The following TMEM201 variants were observed in gnomAD, a reference collection of about 807,000 sequenced individuals.
The protein encoded by TMEM201 is RP13-15M17.2.
In TMEM201, 26 loss-of-function variants were observed where a neutral mutation model predicts 63.4. The observed-to-expected ratio is 0.41, with a 90% CI of 0.30 to 0.57. TMEM201 has a LOEUF of 0.57. Among genes scored for constraint, TMEM201 ranks in the 20% least tolerant of loss-of-function variants. The probability of loss-of-function intolerance (pLI) is 0.29; values close to 1 mark genes in which losing one functional copy is unlikely to be tolerated. For missense variants in TMEM201, 794 were observed against 917.7 expected (o/e 0.87, Z 1.74); for synonymous variants, 417 against 421.6 (o/e 0.99, Z 0.14).
In TMEM201 at chr1:9,607,467, C is replaced by G; in HGVS notation, c.1161-90C>G. The G allele has an allele frequency of 9.8e-7, 1 of 1,016,506 alleles. No homozygotes were observed. The highest frequency in any genetic ancestry group is 1.4e-6 in the Non-Finnish European group (1 of 700,268). The allele number at this position is 1,016,506 out of a possible 1,614,324, so 63.0% of individuals were successfully genotyped here. On this transcript the variant is annotated intron_variant, in intron 6 of 10. Coordinates refer to ENST00000340381, the MANE Select transcript of TMEM201 (RefSeq NM_001130924.3). This position sits in a 1 kb window ranked among gnomAD's most constrained non-coding sequence, Gnocchi z 5.4. ...CCCCAGCTGAGGCCCCCACCTTGCA[C>G]TGTGGGAGAGGGGTGGGACCCACTG...
rs181631145 is a variant in TMEM201, at chr1:9,597,821, C to T, written c.430-628C>T. On this transcript the variant is annotated intron_variant, in intron 3 of 10. Transcript: ENST00000340381. ...GTGACTTGGCAGCCAGGCAGCTTTTCGGCATGCTTGGTCGCAGCAAGGGAT... is the reference window on the plus strand; with the variant it reads ...GTGACTTGGCAGCCAGGCAGCTTTTTGGCATGCTTGGTCGCAGCAAGGGAT... 2.8e-3 allele frequency among the ~76,000 whole-genome samples: 430 copies of T among 152,318 alleles called. 1 individual carries two copies. Among genetic ancestry groups the T allele is most frequent in the African/African-American group, 9.8e-3 (409 of 41,566 alleles).
intron 4 of TMEM201, among the ~76,000 whole-genome samples, chr1:9,599,894 G>A (rs562710884): frequency 3.0e-4 from 45 of 152,298 alleles, no homozygotes; most frequent in African/African-American, 9.6e-4. Flanking sequence ...CACTGCGCCC[G>A]GCCCCTATTG....
At chr1:9,597,385 A>G (rs1304147032) in intron 3 of TMEM201, among the ~76,000 whole-genome samples, 2 of 152,210 alleles carry the variant, frequency 1.3e-5, no homozygotes, top group Non-Finnish European at 2.9e-5. Flanking sequence ...AGAGGGAGGA[A>G]GGGACCTTGG....
At chr1:9,611,183 T>A in intron 9 of TMEM201, 1 of 655,970 alleles carries the variant, frequency 1.5e-6, no homozygotes, top group Non-Finnish European at 2.2e-6. Context: ...AACTTTCACA[T>A]GAATTTGTAG....
chr1:9,601,995 A>AGGAGGCAGGAAGGAAGGCGT lies in TMEM201; in HGVS notation c.957-70_957-51dup, dbSNP rs913735118. 3 of 1,525,490 alleles carry AGGAGGCAGGAAGGAAGGCGT rather than the reference A, an allele frequency of 2.0e-6. No individual in the cohort carries two copies. The African/African-American group carries it at 4.1e-5, about 21-fold the overall frequency. The allele number at this position is 1,525,490 out of a possible 1,614,324, so 94.5% of individuals were successfully genotyped here. A position where few individuals can be genotyped will look rare whatever the true frequency, so the allele number is the denominator to read the frequency against. ...TCTGAGCAGGGCCAGGTATAGACAG[A>AGGAGGCAGGAAGGAAGGCGT]GGAGGCAGGAAGGAAGGCGTGGACC... On this transcript the variant is annotated intron_variant, in intron 5 of 10. Transcript: ENST00000340381.
chr1:9,591,093 C>T (rs1004070324), intron 1 of TMEM201, among the ~76,000 whole-genome samples: 1 of 152,240 alleles, frequency 6.6e-6, no homozygotes. Context: ...GGCTGCTTCT[C>T]TGAAGGACTG....
Position 9,610,989 on chromosome 1 carries a change from G to A in TMEM201, c.1765+184G>A, listed in dbSNP as rs1644316841. ...CCCTCTGGGACATTGACCTCTAATG[G>A]CTGATTTCAGTTTCTCCTTTTGCAG... On this transcript the variant is annotated intron_variant, in intron 9 of 10. Transcript: ENST00000340381. The surrounding 1 kb of genome is among the most constrained non-coding windows in gnomAD (Gnocchi z 4.9). 1 of 1,532,574 alleles carries A rather than the reference G, an allele frequency of 6.5e-7. No homozygotes were observed. The highest frequency in any genetic ancestry group is 1.2e-5 in the South Asian group (1 of 83,156). 94.9% of individuals were successfully genotyped at this position (1,532,574 alleles called of 1,614,324 possible). A position where few individuals can be genotyped will look rare whatever the true frequency, so the allele number is the denominator to read the frequency against.
In TMEM201 at chr1:9,603,596, G is replaced by A. The variant is rs1644187680; in HGVS notation, c.1160+1324G>A. The A allele has an allele frequency of 2.0e-6, 2 of 985,532 alleles. No homozygotes were observed. Among genetic ancestry groups the A allele is most frequent in the Non-Finnish European group, 2.4e-6 (2 of 829,992 alleles). The allele number at this position is 985,532 out of a possible 1,614,324, so 61.0% of individuals were successfully genotyped here. On this transcript the variant is annotated intron_variant, in intron 6 of 10. Transcript: ENST00000340381. The surrounding 1 kb of genome is among the most constrained non-coding windows in gnomAD (Gnocchi z 4.5). ...TCTCCTGTGCGTTGGAACCCCGGGG[G>A]AGGCAAGAGCAGATCACAGGTGCAT...
intron 10 of TMEM201, among the ~76,000 whole-genome samples, 186 bp downstream of exon 10, chr1:9,612,076 C>A (rs570549940): frequency 5.9e-4 from 90 of 152,362 alleles, no homozygotes; most frequent in Admixed American, 1.0e-3. Flanking sequence ...GGCACTCCCC[C>A]TCTCGGGATT....
rs1217488539 is a variant in TMEM201, at chr1:9,614,597, T to A, written c.*1514T>A. 1.3e-5 allele frequency: 2 copies of A among 152,166 alleles called. No individual in the cohort carries two copies. The highest frequency in any genetic ancestry group is 4.8e-5 in the African/African-American group (2 of 41,438). The allele number at this position is 152,166 out of a possible 1,614,324, so 9.4% of individuals were successfully genotyped here. ...GGCAGCGCCTCTTGGTCCCCATTTC[T>A]GTATAGCAGGCGTGTGTGTGTGTGT... On this transcript the variant is annotated 3_prime_UTR_variant, in exon 11 of 11. Transcript: ENST00000340381.
rs150264643 is a variant in TMEM201, at chr1:9,594,598, G to A, written c.114-1292G>A. ...CACACATCTCCCTTCATATGCCCCT[G>A]GTCAGGAGAAGGGGGTGGAGGGGAG... On this transcript the variant is annotated intron_variant, in intron 1 of 10. Coordinates refer to ENST00000340381, the MANE Select transcript of TMEM201 (RefSeq NM_001130924.3). Among the ~76,000 whole-genome samples, 131 of 152,356 alleles carry A rather than the reference G, an allele frequency of 8.6e-4. 2 individuals carry two copies. In the East Asian group the frequency reaches 0.021, roughly 25 times the overall value.
intron 9 of TMEM201, chr1:9,611,190 G>T (rs1057408367): frequency 3.7e-4 from 200 of 534,642 alleles, no homozygotes; most frequent in African/African-American, 3.6e-3. Context: ...ACATGAATTT[G>T]TAGATTTCCT....
chr1:9,595,213 A>G lies in TMEM201; in HGVS notation c.114-677A>G, dbSNP rs138510061. Among the ~76,000 whole-genome samples the G allele has an allele frequency of 3.9e-3, 599 of 152,054 alleles. 4 individuals are homozygous for G. The highest frequency in any genetic ancestry group is 0.014 in the African/African-American group (578 of 41,440). ...GGGGGGCCCAGAGCATAGATCCCCC[A>G]GTGTCTGGGCTGGGATTATCCCGAG... On this transcript the variant is annotated intron_variant, in intron 1 of 10. Transcript: ENST00000340381.
chr1:9,601,399 G>T lies in TMEM201; in HGVS notation c.901G>T (p.Val301Leu). Residue 301 changes from valine (V) to leucine (L), a missense_variant, in exon 5 of 11, where the codon GTG becomes TTG. Val to Leu is a conservative substitution (Grantham distance 32). Transcript: ENST00000340381. ...TGGGCAGAGCCACCAGACGGGCGTC[G>T]TGGCACTGGGCCTACTCACCTGCCT... The part of the protein sequence containing the change: ...AFGQSHQTGV[V>L]ALGLLTCLLA... The T allele has an allele frequency of 6.2e-7, 1 of 1,601,738 alleles. No homozygotes were observed. The highest frequency in any genetic ancestry group is 1.1e-5 in the South Asian group (1 of 90,988).
Position 9,598,594 on chromosome 1 carries a change from A to G in TMEM201, c.575A>G (p.Lys192Arg). The change falls in exon 4 of 11, where the codon AAG (lysine) becomes AGG (arginine). Residue 192 changes from lysine (K) to arginine (R), a missense_variant. Lys to Arg is a conservative substitution (Grantham distance 26). Transcript: ENST00000340381. The part of the protein sequence containing the change: ...LRALLLSHQF[K>R]RREADQTHAQ... ...GCCCTGTTGCTCAGCCACCAGTTCA[A>G]GCGCCGGGAGGCCGACCAGACCCAC... The G allele has an allele frequency of 6.2e-7, 1 of 1,613,420 alleles. No homozygotes were observed. The highest frequency in any genetic ancestry group is 8.5e-7 in the Non-Finnish European group (1 of 1,179,976).
In TMEM201 at chr1:9,610,535, C is replaced by G. The variant is rs188241941; in HGVS notation, c.1495C>G (p.Pro499Ala). 44 of 1,541,460 alleles carry G rather than the reference C, an allele frequency of 2.9e-5. No individual in the cohort carries two copies. In the African/African-American group the frequency reaches 5.3e-4, roughly 19 times the overall value. The part of the protein sequence containing the change: ...DYFSLLSGSC[P>A]SSPLPSPAPS... ...CTTCTCTCTTCTGTCGGGGAGCTGC[C>G]CCTCCTCCCCACTCCCTTCCCCAGC... Residue 499 changes from proline to alanine, a missense_variant, in exon 9 of 11, where the codon CCC becomes GCC. Coordinates refer to ENST00000340381, the MANE Select transcript of TMEM201 (RefSeq NM_001130924.3). The surrounding 1 kb of genome is among the most constrained non-coding windows in gnomAD (Gnocchi z 4.9).
rs1393766295 is a variant in TMEM201 at position 9,603,164 on chromosome 1, T to C, written c.1160+892T>C. 1 of 985,488 alleles carries C rather than the reference T, an allele frequency of 1.0e-6. No homozygotes were observed. The highest frequency in any genetic ancestry group is 1.2e-6 in the Non-Finnish European group (1 of 830,082). 61.0% of individuals were successfully genotyped at this position (985,488 alleles called of 1,614,324 possible). A position where few individuals can be genotyped will look rare whatever the true frequency, so the allele number is the denominator to read the frequency against. On this transcript the variant is annotated intron_variant, in intron 6 of 10. Transcript: ENST00000340381. This position sits in a 1 kb window ranked among gnomAD's most constrained non-coding sequence, Gnocchi z 4.5. ...AGCCTCTGCAGGTGCCTGCTCACCA[T>C]GGCCCAGCGCCACTCTGTCCTCCGA...
At chr1:9,612,448 G>T (rs532297461) in intron 10 of TMEM201, among the ~76,000 whole-genome samples, 1 of 152,218 alleles carries the variant, frequency 6.6e-6, no homozygotes, top group South Asian at 2.1e-4. Context: ...TGGGGAGGAG[G>T]GGGTGTGTGT....
In TMEM201 at chr1:9,601,393, G is replaced by T; in HGVS notation, c.895G>T (p.Gly299Cys). 6.2e-7 allele frequency: 1 copy of T among 1,602,740 alleles called. No individual in the cohort carries two copies. ...AWAFGQSHQTGVVALGLLTCL... is the reference protein window; with the variant it reads ...AWAFGQSHQTCVVALGLLTCL... ...GGCCTTTGGGCAGAGCCACCAGACG[G>T]GCGTCGTGGCACTGGGCCTACTCAC... Residue 299 changes from glycine to cysteine, a missense_variant, in exon 5 of 11, where the codon GGC (glycine) becomes TGC (cysteine). Physicochemically the swap from Gly to Cys is radical, Grantham distance 159. Transcript: ENST00000340381.
Sources: gnomAD v4.1 joint callset for allele counts (sites outside exome capture counted in the v4.1 genomes callset) on GRCh38, gnomAD v4.1.1 for gene constraint, Gnocchi (gnomAD v3.1) non-coding constraint, MANE v1.5 for transcripts, NCBI Gene and HGNC (gene_info 2026-07-23, HGNC 2026-07-21) for gene names.